USP45: variants seen among roughly 807,000 people sequenced by gnomAD.
The protein encoded by USP45 is ubiquitin carboxyl-terminal hydrolase 45.
A neutral mutation model predicts 95.8 loss-of-function variants in USP45; 89 were observed. That is an observed-to-expected ratio of 0.93 (90% CI 0.78 to 1.11). The LOEUF (loss-of-function observed/expected upper bound fraction) is 1.11, where lower values mean the gene tolerates loss of function less well. Ranked by LOEUF, USP45 falls within the 50% of genes least tolerant of loss-of-function variation. The pLI is 0.00. For missense variants in USP45, 898 were observed against 942.5 expected (o/e 0.95, Z 0.62); for synonymous variants, 281 against 316.2 (o/e 0.89, Z 1.18).
chr6:99,435,495 T>A lies in USP45; in HGVS notation c.*221A>T, dbSNP rs1331158136. Reference sequence around the variant, plus strand: ...GGAAGTTTTTGTACCCCAGAATAAATACCTGGAAACAAAATTCACATTTAT... The same window carrying A: ...GGAAGTTTTTGTACCCCAGAATAAAAACCTGGAAACAAAATTCACATTTAT... On this transcript the variant is annotated 3_prime_UTR_variant, in exon 18 of 18. Transcript: ENST00000500704. 9 of 362,750 alleles carry A rather than the reference T, an allele frequency of 2.5e-5. No homozygotes were observed. The highest frequency in any genetic ancestry group is 1.5e-3 in the Middle Eastern group (2 of 1,324). 22.5% of individuals were successfully genotyped at this position (362,750 alleles called of 1,614,324 possible).
chr6:99,482,470 T>C, intron 8 of USP45: 1 of 328,414 alleles, frequency 3.0e-6, no homozygotes, highest in Non-Finnish European at 5.5e-6. Context: ...AACATAGGCA[T>C]CCAAGTCAGG....
At chr6:99,487,523 C>T (rs1794198066) in intron 7 of USP45, among the ~76,000 whole-genome samples, 1 of 151,550 alleles carries the variant, frequency 6.6e-6, no homozygotes. Flanking sequence ...GGCGTGGTGG[C>T]TCACGCCTGT....
At position 99,507,493 on chromosome 6, in the gene USP45, C is replaced by T. The variant is rs771394730; in HGVS notation, c.312G>A (p.Lys104=). ...GCTCTGTTCTGGAACTCTTAAAGTGCTTCAATGAATGTTGGCTTTCTGAGT... is the reference window on the plus strand; with the variant it reads ...GCTCTGTTCTGGAACTCTTAAAGTGTTTCAATGAATGTTGGCTTTCTGAGT... The part of the protein sequence containing the change: ...GKNSESQHSL[K]HFKSSRTEPH... The change falls in exon 4 of 18, where the codon AAG becomes AAA. Residue 104 remains lysine (K), a synonymous_variant. Transcript: ENST00000500704. 3 of 1,613,186 alleles carry T rather than the reference C, an allele frequency of 1.9e-6. No homozygotes were observed. Among genetic ancestry groups the T allele is most frequent in the Admixed American group, 3.3e-5 (2 of 59,934 alleles).
rs1218649194 is a variant in USP45, at chr6:99,434,663, T to C, written c.*1053A>G. 1 of 152,242 alleles carries C rather than the reference T, an allele frequency of 6.6e-6. No individual in the cohort carries two copies. The highest frequency in any genetic ancestry group is 1.5e-5 in the Non-Finnish European group (1 of 68,036). The allele number at this position is 152,242 out of a possible 1,614,324, so 9.4% of individuals were successfully genotyped here. ...ACCTGAACTTATTAATGATGCTTGC[T>C]GAAGACAAAGTGATTTCAAAACCCC... On this transcript the variant is annotated 3_prime_UTR_variant, in exon 18 of 18. Transcript: ENST00000500704.
In USP45 at chr6:99,507,469, C is replaced by T; in HGVS notation, c.336G>A (p.Glu112=). 6.2e-7 allele frequency: 1 copy of T among 1,612,916 alleles called. No individual in the cohort carries two copies. Among genetic ancestry groups the T allele is most frequent in the South Asian group, 1.1e-5 (1 of 90,848 alleles). Residue 112 remains glutamate, a synonymous_variant, in exon 4 of 18, where the codon GAG becomes GAA. Coordinates refer to ENST00000500704, the MANE Select transcript of USP45 (RefSeq NM_001346022.3). ...TCAGATTAATTATAATACAATGGGGCTCTGTTCTGGAACTCTTAAAGTGCT... is the reference window on the plus strand; with the variant it reads ...TCAGATTAATTATAATACAATGGGGTTCTGTTCTGGAACTCTTAAAGTGCT... The part of the protein sequence containing the change: ...SLKHFKSSRT[E]PHCIIINLST...
At position 99,503,758 on chromosome 6, in the gene USP45, AACTT is replaced by A. The variant is rs1458861788; in HGVS notation, c.478+3_478+6del. 5 of 1,561,092 alleles carry A rather than the reference AACTT, an allele frequency of 3.2e-6. No individual in the cohort carries two copies. The highest frequency in any genetic ancestry group is 1.2e-5 in the South Asian group (1 of 84,134). On this transcript the variant is annotated splice_donor_5th_base_variant and intron_variant, in intron 5 of 17. Coordinates refer to ENST00000500704, the MANE Select transcript of USP45 (RefSeq NM_001346022.3). ...ACACAGATTCCTTTAGTCATCGCTT[AACTT>A]ACTTGTTTGTGTTTTAGAAGCATGT...
chr6:99,460,725 T>C, intron 13 of USP45: 1 of 941,728 alleles, frequency 1.1e-6, no homozygotes, highest in African/African-American at 1.8e-5. Context: ...ATTTTCTTAA[T>C]TTCTTCCATG....
chr6:99,466,527 C>T (rs112982523), intron 11 of USP45, 145 bp downstream of exon 11: 13 of 644,108 alleles, frequency 2.0e-5, no homozygotes, highest in East Asian at 5.7e-5. Context: ...AGGAGTGTAG[C>T]GTATAAAAAG....
rs1035216723 is a variant in USP45 at position 99,482,880 on chromosome 6, G to A, written c.718C>T (p.Pro240Ser). 16 of 1,510,296 alleles carry A rather than the reference G, an allele frequency of 1.1e-5. No individual in the cohort carries two copies. The highest frequency in any genetic ancestry group is 1.2e-5 in the Non-Finnish European group (14 of 1,132,242). 93.6% of individuals were successfully genotyped at this position (1,510,296 alleles called of 1,614,324 possible). A position where few individuals can be genotyped will look rare whatever the true frequency, so the allele number is the denominator to read the frequency against. ...GGCCTTGAAAGTTCCACCACCAATG[G>A]GTCCTTTAAAAACATGATCAACTCT... ...IFPSSDSQLD[P>S]LVVELSRPGP... Residue 240 changes from proline to serine, a missense_variant, in exon 8 of 18, where the codon CCA becomes TCA. Coordinates refer to ENST00000500704, the MANE Select transcript of USP45 (RefSeq NM_001346022.3).
chr6:99,510,067 C>T (rs541173104), intron 2 of USP45, 54 bp downstream of exon 2: 2 of 1,370,202 alleles, frequency 1.5e-6, no homozygotes, highest in Admixed American at 3.4e-5. Context: ...GAAGGGTCAA[C>T]TGCATTGTTA....
At chr6:99,444,370 T>C (rs1562303770) in intron 14 of USP45, among the ~76,000 whole-genome samples, 1 of 152,156 alleles carries the variant, frequency 6.6e-6, no homozygotes, top group Non-Finnish European at 1.5e-5. Context: ...CAATTGCATA[T>C]AGGTATTTCT....
At chr6:99,495,120 T>C (rs149664209) in intron 5 of USP45, among the ~76,000 whole-genome samples, 4 of 152,340 alleles carry the variant, frequency 2.6e-5, no homozygotes, top group African/African-American at 9.6e-5. Context: ...TATGGAATTA[T>C]GGGCACTATT....
chr6:99,515,070 G>C (rs1162911284), intron 1 of USP45: 1 of 152,380 alleles, frequency 6.6e-6, no homozygotes, highest in Non-Finnish European at 1.5e-5. Context: ...AGGATGTGAA[G>C]AGAAATGCGC....
At chr6:99,513,067 C>A (rs1187503177) in intron 1 of USP45, among the ~76,000 whole-genome samples, 1 of 152,144 alleles carries the variant, frequency 6.6e-6, no homozygotes, top group East Asian at 1.9e-4. Flanking sequence ...CATTTAACTT[C>A]AAGCAGACAT....
intron 13 of USP45, among the ~76,000 whole-genome samples, chr6:99,456,136 A>G (rs1398960255): frequency 0.04 from 263 of 6,594 alleles, no homozygotes; most frequent in Non-Finnish European, 0.086. Context: ...CTGTCTCGGA[A>G]AAAAAAAAAA....
intron 2 of USP45, among the ~76,000 whole-genome samples, 164 bp from the exon 3 acceptor site, chr6:99,508,946 T>C (rs1473642054): frequency 1.3e-5 from 2 of 152,234 alleles, no homozygotes; most frequent in Non-Finnish European, 2.9e-5. Flanking sequence ...ATTTATATAA[T>C]GTTCATGAAA....
At chr6:99,471,891 C>T (rs997523875) in intron 9 of USP45, among the ~76,000 whole-genome samples, 12 of 152,130 alleles carry the variant, frequency 7.9e-5, no homozygotes, top group Admixed American at 7.2e-4. Context: ...TGTAGCTGAC[C>T]GTCAGGACTG....
rs763413017 is a variant in USP45, at chr6:99,503,840, A to G, written c.403T>C (p.Ser135Pro). The change falls in exon 5 of 18, where the codon TCA (serine) becomes CCA (proline). Residue 135 changes from serine to proline, a missense_variant. Physicochemically the swap from Ser to Pro is moderately conservative, Grantham distance 74. Transcript: ENST00000500704. ...IWCYECDEKL[S>P]THCNKKVLAQ... ...AAAACCTTCTTATTACAATGCGTTG[A>G]TAATTTTTCATCACATTCATAACAC... is the stretch of plus-strand genomic sequence containing the variant. The G allele has an allele frequency of 1.2e-5, 19 of 1,593,834 alleles. No individual in the cohort carries two copies. In the East Asian group the frequency reaches 4.1e-4, roughly 34 times the overall value.
rs538362607 is a variant in USP45 at position 99,500,371 on chromosome 6, G to A, written c.478+3394C>T. 6.6e-5 allele frequency among the ~76,000 whole-genome samples: 10 copies of A among 152,154 alleles called. 1 individual carries two copies. In the South Asian group the frequency reaches 1.2e-3, roughly 19 times the overall value. ...ATTCCTGGCCTCAAGTGATCTGCCC[G>A]ACTTGGGCTCCCAAAGTGCTGGGTT... On this transcript the variant is annotated intron_variant, in intron 5 of 17. Coordinates refer to ENST00000500704, the MANE Select transcript of USP45 (RefSeq NM_001346022.3).
Sources: allele counts gnomAD v4.1 joint callset (sites outside exome capture counted in the v4.1 genomes callset), GRCh38; gene constraint gnomAD v4.1.1; transcripts MANE v1.5; gene names NCBI Gene and HGNC (gene_info 2026-07-23, HGNC 2026-07-21).